Variants in CLSTN2 observed in about 807,000 individuals in gnomAD.
The protein encoded by CLSTN2 is calsyntenin-2.
In CLSTN2, 48 loss-of-function variants were observed where a neutral mutation model predicts 101.2. The ratio of observed to expected loss-of-function variants is 0.47; its 90% CI spans 0.38 to 0.60. The LOEUF (loss-of-function observed/expected upper bound fraction) is 0.60. CLSTN2 is among the 20% of genes least tolerant of loss of function. CLSTN2 has a pLI of 0.00. For missense variants in CLSTN2, 1,160 were observed against 1,238.2 expected (o/e 0.94, Z 0.95); for synonymous variants, 481 against 463.6 (o/e 1.04, Z -0.48).
At chr3:140,404,202 T>C (rs1313391678) in intron 3 of CLSTN2, among the ~76,000 whole-genome samples, 5 of 152,204 alleles carry the variant, frequency 3.3e-5, no homozygotes, top group African/African-American at 9.6e-5. Context: ...TTGTCACTGC[T>C]TTTTCCCTTA....
intron 2 of CLSTN2, among the ~76,000 whole-genome samples, chr3:140,348,589 T>C (rs1406844652): frequency 1.3e-5 from 2 of 152,194 alleles, no homozygotes; most frequent in Non-Finnish European, 2.9e-5. Context: ...TCTTAGGGAA[T>C]TATTTTAAAA....
chr3:140,168,534 T>G (rs1460003067), intron 1 of CLSTN2, among the ~76,000 whole-genome samples: 1 of 152,088 alleles, frequency 6.6e-6, no homozygotes, highest in African/African-American at 2.4e-5. Context: ...CAATTTTATC[T>G]TTTATGGGGC....
At chr3:139,995,760 G>A (rs1001727015) in intron 1 of CLSTN2, among the ~76,000 whole-genome samples, 1 of 152,180 alleles carries the variant, frequency 6.6e-6, no homozygotes, top group African/African-American at 2.4e-5. Flanking sequence ...GGGGAGTGCA[G>A]AGCCACATGG....
At chr3:140,101,619 A>G (rs2008967722) in intron 1 of CLSTN2, among the ~76,000 whole-genome samples, 1 of 152,222 alleles carries the variant, frequency 6.6e-6, no homozygotes, top group Non-Finnish European at 1.5e-5. Flanking sequence ...TTTATAACAA[A>G]TGACCTTCCA....
chr3:139,954,878 CTT>C (rs1455537901), intron 1 of CLSTN2, among the ~76,000 whole-genome samples: 5 of 151,934 alleles, frequency 3.3e-5, no homozygotes, highest in African/African-American at 1.2e-4. Context: ...CTCTAAGAGA[CTT>C]AGTGCACCGA....
intron 7 of CLSTN2, among the ~76,000 whole-genome samples, chr3:140,462,488 C>A (rs1933586939): frequency 6.6e-6 from 1 of 152,166 alleles, no homozygotes; most frequent in Non-Finnish European, 1.5e-5. Context: ...GGAAAGGAAG[C>A]TTTTGCTGTA....
chr3:140,334,353 G>C (rs12636954), intron 2 of CLSTN2, among the ~76,000 whole-genome samples: 3,627 of 152,330 alleles, frequency 0.024, 77 homozygotes, highest in South Asian at 0.093. Context: ...AGTAAATGGA[G>C]GACTTGTGGC....
intron 9 of CLSTN2, among the ~76,000 whole-genome samples, chr3:140,533,823 C>G (rs934221184): frequency 2.0e-5 from 3 of 151,870 alleles, no homozygotes; most frequent in African/African-American, 7.3e-5. Context: ...ATGGGCAGCT[C>G]CATGTAAAAG....
At chr3:140,182,373 G>A (rs2010421544) in intron 2 of CLSTN2, among the ~76,000 whole-genome samples, 1 of 152,144 alleles carries the variant, frequency 6.6e-6, no homozygotes, top group African/African-American at 2.4e-5. Context: ...GTCTGTGAGT[G>A]AGAACCACAT....
intron 4 of CLSTN2, among the ~76,000 whole-genome samples, chr3:140,418,516 TC>T (rs763184145): frequency 0.064 from 3,432 of 53,560 alleles, 198 homozygotes; most frequent in African/African-American, 0.36. Context: ...TTTCTTTCTT[TC>T]TTTTTTTTTT....
chr3:140,153,671 A>G lies in CLSTN2; in HGVS notation c.110-22280A>G, dbSNP rs78025369. On this transcript the variant is annotated intron_variant, in intron 1 of 16. Transcript: ENST00000458420. ...TGAAAGCTTCATCCCTTTTGAGGGT[A>G]AAGGGCCTTGGGACTTCTCAAATTC... 8.0e-4 allele frequency among the ~76,000 whole-genome samples: 122 copies of G among 152,362 alleles called. 1 individual carries two copies. The East Asian group carries it at 0.023, about 29-fold the overall frequency.
At chr3:140,001,718 G>GTT (rs995798282) in intron 1 of CLSTN2, among the ~76,000 whole-genome samples, 6 of 145,366 alleles carry the variant, frequency 4.1e-5, no homozygotes, top group Non-Finnish European at 1.5e-5. Context: ...CATGATTTCT[G>GTT]TTTTTTTTTT....
intron 1 of CLSTN2, among the ~76,000 whole-genome samples, chr3:139,990,529 C>A (rs1354853675): frequency 6.6e-6 from 1 of 152,160 alleles, no homozygotes; most frequent in East Asian, 1.9e-4. Context: ...AATAACCCTG[C>A]CAGATCAAAG....
intron 2 of CLSTN2, among the ~76,000 whole-genome samples, chr3:140,351,458 G>A (rs191528015): frequency 6.6e-6 from 1 of 152,160 alleles, no homozygotes; most frequent in African/African-American, 2.4e-5. Context: ...CCTTTAAAGA[G>A]TACAAAATAT....
At chr3:139,975,568 G>C in intron 1 of CLSTN2, among the ~76,000 whole-genome samples, 1 of 152,162 alleles carries the variant, frequency 6.6e-6, no homozygotes, top group African/African-American at 2.4e-5. Flanking sequence ...AGGAGCTCTT[G>C]GTTATAAGAA....
chr3:140,135,117 C>CACACACACATATAT (rs1488268767), intron 1 of CLSTN2, among the ~76,000 whole-genome samples: 1 of 58,116 alleles, frequency 1.7e-5, no homozygotes, highest in African/African-American at 8.6e-5. Context: ...CACACACACA[C>CACACACACATATAT]ATATATATAT....
intron 1 of CLSTN2, among the ~76,000 whole-genome samples, chr3:139,942,942 T>A (rs1215989202): frequency 6.6e-6 from 1 of 152,190 alleles, no homozygotes; most frequent in Admixed American, 6.5e-5. Context: ...CCTCTACTCA[T>A]ATCAGTCCTC....
intron 1 of CLSTN2, among the ~76,000 whole-genome samples, chr3:140,160,366 AT>A (rs1330474100): frequency 6.6e-6 from 1 of 152,110 alleles, no homozygotes; most frequent in Admixed American, 6.6e-5. Context: ...GCTTATAGGA[AT>A]TTTTTAGACT....
chr3:140,529,931 T>C (rs1338874446), intron 8 of CLSTN2, among the ~76,000 whole-genome samples: 1 of 152,200 alleles, frequency 6.6e-6, no homozygotes, highest in Non-Finnish European at 1.5e-5. Flanking sequence ...TATTACTCAG[T>C]GTGGCAAGGG....
Sources: allele counts gnomAD v4.1 joint callset (sites outside exome capture counted in the v4.1 genomes callset), GRCh38; gene constraint gnomAD v4.1.1; transcripts MANE v1.5; gene names NCBI Gene and HGNC (gene_info 2026-07-23, HGNC 2026-07-21).